BMP2K: variants seen among roughly 807,000 people sequenced by gnomAD.
BMP2K encodes the protein BMP-2-inducible protein kinase.
A neutral mutation model predicts 116.0 loss-of-function variants in BMP2K; 74 were observed. The observed-to-expected ratio is 0.64, with a 90% CI of 0.53 to 0.77. BMP2K has a LOEUF of 0.77. Ranked by LOEUF, BMP2K falls within the 30% of genes least tolerant of loss-of-function variation. BMP2K has a pLI of 0.00. For synonymous variants in BMP2K, 486 were observed against 502.5 expected, an observed-to-expected ratio of 0.97 and a Z score of 0.44; for missense variants, 1,365 against 1,403.6, an observed-to-expected ratio of 0.97 and a Z score of 0.44.
chr4:78,835,136 G>A (rs1730405283), intron 3 of BMP2K, among the ~76,000 whole-genome samples: 2 of 152,070 alleles, frequency 1.3e-5, no homozygotes, highest in South Asian at 4.1e-4. Flanking sequence ...TCTTAAAAGG[G>A]GAATCAAATG....
intron 1 of BMP2K, among the ~76,000 whole-genome samples, chr4:78,806,041 T>C (rs1313395143): frequency 6.6e-6 from 1 of 152,114 alleles, no homozygotes; most frequent in Non-Finnish European, 1.5e-5. Flanking sequence ...TGACACATCC[T>C]CTAGAGATCC....
chr4:78,805,615 CT>C (rs1160722299), intron 1 of BMP2K, among the ~76,000 whole-genome samples: 1 of 151,900 alleles, frequency 6.6e-6, no homozygotes, highest in Non-Finnish European at 1.5e-5. Context: ...TTTCTGATAC[CT>C]TTGTCAATAG....
At chr4:78,802,903 G>A (rs1176994452) in intron 1 of BMP2K, among the ~76,000 whole-genome samples, 1 of 151,552 alleles carries the variant, frequency 6.6e-6, no homozygotes, top group Non-Finnish European at 1.5e-5. Context: ...AGGCTGAAGT[G>A]CAATGGCACA....
At chr4:78,902,833 T>C (rs577230558) in intron 15 of BMP2K, among the ~76,000 whole-genome samples, 3 of 152,234 alleles carry the variant, frequency 2.0e-5, no homozygotes, top group Non-Finnish European at 4.4e-5. Context: ...TATTGGATAT[T>C]TTCTAAATAT....
chr4:78,790,740 T>TAG (rs2109932722), intron 1 of BMP2K, among the ~76,000 whole-genome samples: 1 of 152,290 alleles, frequency 6.6e-6, no homozygotes, highest in East Asian at 1.9e-4. Context: ...AGTCAAAATA[T>TAG]AGAGCCTGGC....
intron 8 of BMP2K, 72 bp downstream of exon 8, chr4:78,859,759 G>A (rs1259357574): frequency 2.7e-6 from 3 of 1,103,262 alleles, no homozygotes; most frequent in South Asian, 2.9e-5. Flanking sequence ...TACTTTCAGA[G>A]TTACTTTTTT....
intron 1 of BMP2K, among the ~76,000 whole-genome samples, chr4:78,786,368 A>G (rs1019955817): frequency 2.0e-5 from 3 of 151,514 alleles, no homozygotes; most frequent in African/African-American, 4.9e-5. Context: ...CCCAGTCTCC[A>G]TAACAGTAAG....
chr4:78,859,570 A>G lies in BMP2K; in HGVS notation c.884-14A>G, dbSNP rs1308721877. 1.9e-6 allele frequency: 3 copies of G among 1,558,756 alleles called. No homozygotes were observed. Among genetic ancestry groups the G allele is most frequent in the East Asian group, 4.5e-5 (2 of 44,208 alleles). ...TTTCATAAAACTTCTTAACATTTTG[A>G]TCTATTCTTGCAGGGTTCATGCTTG... On this transcript the variant is annotated splice_polypyrimidine_tract_variant and intron_variant, in intron 7 of 15. Transcript: ENST00000502613.
At chr4:78,873,800 A>G (rs920915958) in intron 13 of BMP2K, among the ~76,000 whole-genome samples, 2 of 152,020 alleles carry the variant, frequency 1.3e-5, no homozygotes, top group Non-Finnish European at 2.9e-5. Context: ...TTCTTGAACT[A>G]CTTTTCTAAA....
chr4:78,806,569 G>T (rs1486149047), intron 1 of BMP2K, among the ~76,000 whole-genome samples: 2 of 152,008 alleles, frequency 1.3e-5, no homozygotes, highest in African/African-American at 4.8e-5. Context: ...TAAATTGCTT[G>T]GGCTAGAATC....
chr4:78,847,324 A>G, intron 6 of BMP2K, 55 bp downstream of exon 6: 1 of 1,372,734 alleles, frequency 7.3e-7, no homozygotes, highest in Non-Finnish European at 1.0e-6. Context: ...ATCTGAGTTC[A>G]GTTTATTATT....
intron 3 of BMP2K, among the ~76,000 whole-genome samples, chr4:78,836,118 A>G (rs1470858299): frequency 6.6e-6 from 1 of 151,950 alleles, no homozygotes; most frequent in African/African-American, 2.4e-5. Context: ...GCATTTTCCA[A>G]TAGAAGTAAA....
At chr4:78,866,085 A>T (rs1176059793) in intron 10 of BMP2K, among the ~76,000 whole-genome samples, 1 of 152,332 alleles carries the variant, frequency 6.6e-6, no homozygotes, top group East Asian at 1.9e-4. Flanking sequence ...CTAGTCTTAC[A>T]AAGTTTATGT....
chr4:78,843,794 TC>T (rs61259960), intron 4 of BMP2K, among the ~76,000 whole-genome samples: 8,993 of 151,920 alleles, frequency 0.059, 377 homozygotes, highest in East Asian at 0.22. Flanking sequence ...CTATTATAGT[TC>T]ATTAATTTTT....
intron 13 of BMP2K, among the ~76,000 whole-genome samples, chr4:78,874,490 T>C (rs934845262): frequency 6.6e-6 from 1 of 152,186 alleles, no homozygotes; most frequent in African/African-American, 2.4e-5. Context: ...AAGATACTGA[T>C]GAGGCTATTG....
chr4:78,856,794 A>G (rs576115961), intron 7 of BMP2K, among the ~76,000 whole-genome samples: 2 of 152,266 alleles, frequency 1.3e-5, no homozygotes, highest in East Asian at 1.9e-4. Context: ...GTCATAGTCA[A>G]TGCTGGAAAA....
chr4:78,819,007 A>C lies in BMP2K; in HGVS notation c.179-7030A>C, dbSNP rs1453213086. 2.0e-5 allele frequency among the ~76,000 whole-genome samples: 3 copies of C among 152,046 alleles called. No individual in the cohort carries two copies. In the East Asian group the frequency reaches 5.8e-4, roughly 29 times the overall value. On this transcript the variant is annotated intron_variant, in intron 1 of 15. Transcript: ENST00000502613. ...GAGACAAGGTTTTACCATGTTGCCCAGGCTGGTCAGGTTTTGAAGCAATAA... is the reference window on the plus strand; with the variant it reads ...GAGACAAGGTTTTACCATGTTGCCCCGGCTGGTCAGGTTTTGAAGCAATAA...
At chr4:78,832,632 T>A (rs1730264719) in intron 2 of BMP2K, among the ~76,000 whole-genome samples, 2 of 152,240 alleles carry the variant, frequency 1.3e-5, no homozygotes, top group South Asian at 4.1e-4. Flanking sequence ...ATTATAGTCT[T>A]GTACTTTTGT....
At chr4:78,791,532 A>T (rs935406632) in intron 1 of BMP2K, among the ~76,000 whole-genome samples, 1 of 151,094 alleles carries the variant, frequency 6.6e-6, no homozygotes, top group African/African-American at 2.4e-5. Context: ...ATTGTTGTGC[A>T]TTCATCATCA....
Sources: allele counts gnomAD v4.1 joint callset (sites outside exome capture counted in the v4.1 genomes callset), GRCh38; gene constraint gnomAD v4.1.1; transcripts MANE v1.5; gene names NCBI Gene and HGNC (gene_info 2026-07-23, HGNC 2026-07-21).